CD300A: variants seen among roughly 807,000 people sequenced by gnomAD.
CD300A encodes CD300a molecule.
CD300A carries 22 observed loss-of-function variants against 33.6 expected under a neutral mutation model. The ratio of observed to expected loss-of-function variants is 0.66; its 90% CI spans 0.47 to 0.94. The LOEUF is 0.94. CD300A is among the 40% of genes least tolerant of loss of function. The pLI is 0.00. For missense variants in CD300A, 326 were observed against 360.5 expected (o/e 0.90, Z 0.77); for synonymous variants, 136 against 148.1 (o/e 0.92, Z 0.59).
chr17:74,477,143 G>A (rs1395968962), intron 3 of CD300A, among the ~76,000 whole-genome samples: 4 of 152,070 alleles, frequency 2.6e-5, no homozygotes, highest in Non-Finnish European at 5.9e-5. Context: ...GAGGCAGGAG[G>A]GTGGCTTGAG....
chr17:74,472,237 C>CA (rs11435286), intron 1 of CD300A, among the ~76,000 whole-genome samples: 52,790 of 135,058 alleles, frequency 0.39, 12,835 homozygotes, highest in African/African-American at 0.72. Context: ...GACTCCATCT[C>CA]AAAAAAAAAA....
Sources: gnomAD v4.1 joint callset for allele counts (sites outside exome capture counted in the v4.1 genomes callset) on GRCh38, gnomAD v4.1.1 for gene constraint, MANE v1.5 for transcripts, NCBI Gene and HGNC (gene_info 2026-07-23, HGNC 2026-07-21) for gene names.